TOX2: variants seen among roughly 807,000 people sequenced by gnomAD.
TOX2 encodes TOX high mobility group box family member 2.
Under a neutral mutation model 47.4 loss-of-function variants are expected in TOX2, and 15 were observed. The observed-to-expected ratio is 0.32, with a 90% CI of 0.21 to 0.49. The LOEUF is 0.49. TOX2 is among the 20% of genes least tolerant of loss of function. TOX2 has a pLI of 0.99. For synonymous variants in TOX2, 290 were observed against 296.6 expected, an observed-to-expected ratio of 0.98 and a Z score of 0.23; for missense variants, 622 against 673.1, an observed-to-expected ratio of 0.92 and a Z score of 0.84.
At chr20:43,967,610 T>A (rs1439992805) in intron 1 of TOX2, among the ~76,000 whole-genome samples, 1 of 152,064 alleles carries the variant, frequency 6.6e-6, no homozygotes, top group Non-Finnish European at 1.5e-5. Flanking sequence ...CCTTTTCACC[T>A]ATCCATTCAT....
chr20:44,033,478 T>A (rs1313221339), intron 3 of TOX2, among the ~76,000 whole-genome samples: 1 of 152,116 alleles, frequency 6.6e-6, no homozygotes, highest in Non-Finnish European at 1.5e-5. Context: ...GCTTTGCAGA[T>A]GTGATGAAGG....
chr20:43,970,404 A>G (rs1305467552), intron 1 of TOX2, among the ~76,000 whole-genome samples: 1 of 152,234 alleles, frequency 6.6e-6, no homozygotes, highest in Non-Finnish European at 1.5e-5. Context: ...AATGAAGCAG[A>G]TGTTGGCCCC....
chr20:43,934,549 C>T (rs1267040637), intron 1 of TOX2, among the ~76,000 whole-genome samples: 1 of 151,906 alleles, frequency 6.6e-6, no homozygotes, highest in Non-Finnish European at 1.5e-5. Context: ...GGGAGGGGAG[C>T]TGGAGGCCTT....
rs568639397 is a variant in TOX2 at position 44,014,173 on chromosome 20, G to C, written c.411+7381G>C. Among the ~76,000 whole-genome samples, 304 of 141,610 alleles carry C rather than the reference G, an allele frequency of 2.1e-3. 2 individuals carry two copies. The highest frequency in any genetic ancestry group is 7.5e-3 in the African/African-American group (293 of 39,076). The allele number at this position is 141,610 out of a possible 152,430, so 92.9% of individuals were successfully genotyped here. On this transcript the variant is annotated intron_variant, in intron 3 of 8. Transcript: ENST00000341197. Reference sequence around the variant, plus strand: ...AAAAAAAAGGAAAAGAGAGATGTGTGTCTCTCATCACATGGTGGCCTAGGA... The same window carrying C: ...AAAAAAAAGGAAAAGAGAGATGTGTCTCTCTCATCACATGGTGGCCTAGGA...
At chr20:44,027,981 C>T (rs939871134) in intron 3 of TOX2, among the ~76,000 whole-genome samples, 3 of 152,172 alleles carry the variant, frequency 2.0e-5, no homozygotes, top group Non-Finnish European at 2.9e-5. Flanking sequence ...TGCCAGACCT[C>T]GGGCTGGGCA....
At chr20:44,011,549 A>G (rs1489903725) in intron 3 of TOX2, among the ~76,000 whole-genome samples, 1 of 152,224 alleles carries the variant, frequency 6.6e-6, no homozygotes, top group African/African-American at 2.4e-5. Flanking sequence ...ACTGTCATGC[A>G]GCTCTTAAAC....
chr20:43,991,987 T>C (rs780196730), intron 2 of TOX2, among the ~76,000 whole-genome samples: 2 of 152,218 alleles, frequency 1.3e-5, no homozygotes, highest in Non-Finnish European at 2.9e-5. Context: ...AGGTAAAAGT[T>C]CTGTGGGGAA....
At chr20:43,939,895 G>A (rs1287119532) in intron 1 of TOX2, among the ~76,000 whole-genome samples, 1 of 152,230 alleles carries the variant, frequency 6.6e-6, no homozygotes, top group Non-Finnish European at 1.5e-5. Context: ...TGCTGCTGCT[G>A]AGTGACCACA....
At position 44,026,248 on chromosome 20, in the gene TOX2, TAGAC is replaced by T. The variant is rs796528714; in HGVS notation, c.411+19458_411+19461del. Among the ~76,000 whole-genome samples, 243 of 67,596 alleles carry T rather than the reference TAGAC, an allele frequency of 3.6e-3. 44 individuals are homozygous for T. The highest frequency in any genetic ancestry group is 8.4e-3 in the East Asian group (22 of 2,632). 44.3% of individuals were successfully genotyped at this position (67,596 alleles called of 152,430 possible). A position where few individuals can be genotyped will look rare whatever the true frequency, so the allele number is the denominator to read the frequency against. The stretch of plus-strand genomic sequence containing the variant: ...ACTGTGATATATATATATATATATA[TAGAC>T]ACACACACACACAATGGAATACTAC... On this transcript the variant is annotated intron_variant, in intron 3 of 8. Transcript: ENST00000341197.
At chr20:44,042,364 A>G (rs1270436569) in intron 3 of TOX2, among the ~76,000 whole-genome samples, 1 of 152,264 alleles carries the variant, frequency 6.6e-6, no homozygotes, top group Non-Finnish European at 1.5e-5. Context: ...AACCATATCA[A>G]TATGTGACCA....
At chr20:44,012,865 T>C (rs930632976) in intron 3 of TOX2, among the ~76,000 whole-genome samples, 1 of 152,250 alleles carries the variant, frequency 6.6e-6, no homozygotes, top group African/African-American at 2.4e-5. Flanking sequence ...AGATTCTTTG[T>C]GTTCTAGGTC....
At chr20:44,001,377 C>G (rs1416689216) in intron 2 of TOX2, among the ~76,000 whole-genome samples, 1 of 152,184 alleles carries the variant, frequency 6.6e-6, no homozygotes, top group African/African-American at 2.4e-5. Flanking sequence ...ATGCTGGGCT[C>G]AGTGCCTGGC....
intron 2 of TOX2, among the ~76,000 whole-genome samples, chr20:43,974,943 T>C (rs1388903026): frequency 1.3e-5 from 2 of 152,246 alleles, no homozygotes; most frequent in Non-Finnish European, 2.9e-5. Flanking sequence ...TGCATTGACA[T>C]GCGCCAACAT....
intron 1 of TOX2, among the ~76,000 whole-genome samples, chr20:43,949,599 C>T (rs951232674): frequency 9.9e-5 from 15 of 152,232 alleles, no homozygotes; most frequent in Non-Finnish European, 2.2e-4. Context: ...CCTAAATCCG[C>T]TTCCCCACTG....
In TOX2 at chr20:44,030,599, G is replaced by A. The variant is rs149081494; in HGVS notation, c.412-20707G>A. Among the ~76,000 whole-genome samples, 11 of 152,176 alleles carry A rather than the reference G, an allele frequency of 7.2e-5. No individual in the cohort carries two copies. The Middle Eastern group carries it at 0.01, about 141-fold the overall frequency. Reference sequence around the variant, plus strand: ...CCTGATGCCCAGTGTGCCCTTGACCGCTGATCTTACAGCCTCACTTGGCCT... The same window carrying A: ...CCTGATGCCCAGTGTGCCCTTGACCACTGATCTTACAGCCTCACTTGGCCT... On this transcript the variant is annotated intron_variant, in intron 3 of 8. Coordinates refer to ENST00000341197, the MANE Select transcript of TOX2 (RefSeq NM_001098797.2).
chr20:43,931,386 C>T (rs898652015), intron 1 of TOX2, among the ~76,000 whole-genome samples: 2 of 152,228 alleles, frequency 1.3e-5, no homozygotes, highest in Non-Finnish European at 2.9e-5. Flanking sequence ...CCTCCCACCT[C>T]GGCCTCCCAA....
intron 3 of TOX2, among the ~76,000 whole-genome samples, chr20:44,014,128 C>CAA (rs55721806): frequency 0.054 from 2,855 of 53,172 alleles, 350 homozygotes; most frequent in South Asian, 0.074. Flanking sequence ...GAGACTATCT[C>CAA]AAAAAAAAAA....
At chr20:44,038,712 G>A (rs749673673) in intron 3 of TOX2, among the ~76,000 whole-genome samples, 1 of 152,134 alleles carries the variant, frequency 6.6e-6, no homozygotes, top group African/African-American at 2.4e-5. Context: ...TTCAGGCTTC[G>A]GAGGACGCAG....
At chr20:43,986,849 T>G (rs2070276631) in intron 2 of TOX2, among the ~76,000 whole-genome samples, 1 of 152,146 alleles carries the variant, frequency 6.6e-6, no homozygotes, top group African/African-American at 2.4e-5. Flanking sequence ...GAGGATCGCT[T>G]GAGCCCAGGA....
Sources: allele counts gnomAD v4.1 joint callset (sites outside exome capture counted in the v4.1 genomes callset), GRCh38; gene constraint gnomAD v4.1.1; transcripts MANE v1.5; gene names NCBI Gene and HGNC (gene_info 2026-07-23, HGNC 2026-07-21).